TAB3: variants seen among roughly 807,000 people sequenced by gnomAD.
TAB3 encodes TGF-beta-activated kinase 1 and MAP3K7-binding protein 3.
Under a neutral mutation model 48.1 loss-of-function variants are expected in TAB3, and 18 were observed. The observed-to-expected ratio is 0.37, with a 90% CI of 0.26 to 0.55. TAB3 has a LOEUF of 0.55. Among genes scored for constraint, TAB3 ranks in the 20% least tolerant of loss-of-function variants. TAB3 has a pLI of 0.78. For missense variants in TAB3, 414 were observed against 549.8 expected (o/e 0.75, Z 2.47); for synonymous variants, 185 against 190.2 (o/e 0.97, Z 0.22).
rs375254935 is a variant in TAB3 at position 30,831,344 on chromosome X, T to G, written c.*83A>C. ...TGCAATCGAAAATGAAAAGGCTGGG[T>G]GGATGAATAGAGTCCCGAGGTTTCC... On this transcript the variant is annotated 3_prime_UTR_variant, in exon 11 of 11. Transcript: ENST00000288422. The G allele has an allele frequency of 2.9e-6, 3 of 1,042,762 alleles. No individual in the cohort carries two copies. The highest frequency in any genetic ancestry group is 3.3e-5 in the East Asian group (1 of 30,595). 85.9% of individuals were successfully genotyped at this position (1,042,762 alleles called of 1,213,427 possible). A position where few individuals can be genotyped will look rare whatever the true frequency, so the allele number is the denominator to read the frequency against.
intron 1 of TAB3, among the ~76,000 whole-genome samples, chrX:30,876,549 A>G (rs1022398338): frequency 8.9e-6 from 1 of 111,879 alleles, no homozygotes; most frequent in African/African-American, 3.3e-5. Flanking sequence ...TCTGTCACCC[A>G]GGCTGGAATG....
intron 1 of TAB3, among the ~76,000 whole-genome samples, chrX:30,880,740 G>A (rs1406456472): frequency 1.8e-5 from 2 of 111,497 alleles, no homozygotes; most frequent in African/African-American, 6.5e-5. Context: ...TCCCAAAATA[G>A]TCATGAAAGC....
At position 30,854,825 on chromosome X, in the gene TAB3, A is replaced by G; in HGVS notation, c.840T>C (p.Tyr280=). The change falls in exon 6 of 11, where the codon TAT becomes TAC. Residue 280 remains tyrosine, a synonymous_variant. Coordinates refer to ENST00000288422, the MANE Select transcript of TAB3 (RefSeq NM_152787.5). ...GAGGGATCTGCTGCTGTTTGGGAGA[A>G]TACTGAGAAGGCTGATAGTTCTGTT... ...PHQQNYQPSQ[Y]SPKQQQIPQS... The G allele has an allele frequency of 8.3e-7, 1 of 1,211,470 alleles. No individual in the cohort carries two copies.
chrX:30,853,971 G>A (rs1181407069), intron 6 of TAB3, 145 bp downstream of exon 6: 7 of 722,566 alleles, frequency 9.7e-6, no homozygotes, highest in South Asian at 3.3e-5. Flanking sequence ...CACCGCACCC[G>A]GCCACTAACT....
At chrX:30,887,597 G>A (rs1940167728) in intron 1 of TAB3, among the ~76,000 whole-genome samples, 1 of 112,584 alleles carries the variant, frequency 8.9e-6, no homozygotes, top group African/African-American at 3.2e-5. Flanking sequence ...TCTCCTCAGC[G>A]AAGTCGCCAA....
At position 30,828,907 on chromosome X, in the gene TAB3, C is replaced by G. The variant is rs1489139296; in HGVS notation, c.*2520G>C. ...AATTCTTGTTCAAACTGGTCATAGG[C>G]AAAAAGCAGTCTACATATGGGACAC... On this transcript the variant is annotated 3_prime_UTR_variant, in exon 11 of 11. Transcript: ENST00000288422. 2 of 111,952 alleles carry G rather than the reference C, an allele frequency of 1.8e-5. No individual in the cohort carries two copies. Among genetic ancestry groups the G allele is most frequent in the African/African-American group, 3.3e-5 (1 of 30,766 alleles). 9.2% of individuals were successfully genotyped at this position (111,952 alleles called of 1,213,427 possible).
At chrX:30,853,787 G>A (rs1373184806) in intron 6 of TAB3, among the ~76,000 whole-genome samples, 9 of 112,022 alleles carry the variant, frequency 8.0e-5, no homozygotes, top group Non-Finnish European at 1.9e-5. Context: ...CTATTCTCCT[G>A]CCTTAGCCTC....
chrX:30,859,595 G>C lies in TAB3; in HGVS notation c.-7C>G, dbSNP rs749676902. 1 of 1,171,553 alleles carries C rather than the reference G, an allele frequency of 8.5e-7. No individual in the cohort carries two copies. The highest frequency in any genetic ancestry group is 1.2e-6 in the Non-Finnish European group (1 of 863,520). On this transcript the variant is annotated 5_prime_UTR_variant, in exon 5 of 11. Coordinates refer to ENST00000288422, the MANE Select transcript of TAB3 (RefSeq NM_152787.5). ...GTGGGCTGCTTTGCGCCATGCCAGA[G>C]CAAATGGTGGCCAAGTTTCTCTTAG...
chrX:30,834,015 A>C lies in TAB3; in HGVS notation c.1990+36T>G, dbSNP rs769578578. The C allele has an allele frequency of 1.3e-5, 14 of 1,117,107 alleles. 1 individual carries two copies. In the South Asian group the frequency reaches 2.4e-4, roughly 19 times the overall value. The allele number at this position is 1,117,107 out of a possible 1,213,427, so 92.1% of individuals were successfully genotyped here. A position where few individuals can be genotyped will look rare whatever the true frequency, so the allele number is the denominator to read the frequency against. On this transcript the variant is annotated intron_variant, in intron 10 of 10. Coordinates refer to ENST00000288422, the MANE Select transcript of TAB3 (RefSeq NM_152787.5). ...TACATGGATTAACATGTGTCTTTGG[A>C]CATTCTGCACAAACTCTGGACACAC...
At chrX:30,870,567 TTCA>T (rs1939636454) in intron 2 of TAB3, among the ~76,000 whole-genome samples, 1 of 112,225 alleles carries the variant, frequency 8.9e-6, no homozygotes, top group Non-Finnish European at 1.9e-5. Flanking sequence ...TGAGGAAAGC[TTCA>T]GGGAAGAGAT....
At position 30,855,440 on chromosome X, in the gene TAB3, G is replaced by A. The variant is rs773909855; in HGVS notation, c.225C>T (p.Asn75=). The A allele has an allele frequency of 5.2e-5, 63 of 1,209,707 alleles. No homozygotes were observed. The Admixed American group carries it at 1.4e-3, about 26-fold the overall frequency. Residue 75 remains asparagine, a synonymous_variant, in exon 6 of 11, where the codon AAC becomes AAT. Transcript: ENST00000288422. The part of the protein sequence containing the change: ...RMNRNRLLHI[N]LGIHSPSSYH... ...AGCTACTAGGAGAATGGATACCCAG[G>A]TTAATATGTAAAAGGCGATTTCTAT... is the stretch of plus-strand genomic sequence containing the variant.
chrX:30,879,915 A>G (rs1468186994), intron 1 of TAB3, among the ~76,000 whole-genome samples: 2 of 112,215 alleles, frequency 1.8e-5, no homozygotes, highest in African/African-American at 6.5e-5. Flanking sequence ...GATATAAACA[A>G]ACAAAATAAT....
intron 1 of TAB3, among the ~76,000 whole-genome samples, chrX:30,886,036 G>A (rs138973042): frequency 1.8e-5 from 2 of 111,862 alleles, no homozygotes; most frequent in Admixed American, 1.9e-4. Context: ...AGGGAAGTAG[G>A]ATGTTAGAGT....
rs1252412961 is a variant in TAB3 at position 30,829,113 on chromosome X, C to T, written c.*2314G>A. The T allele has an allele frequency of 8.9e-6, 1 of 112,341 alleles. No homozygotes were observed. The highest frequency in any genetic ancestry group is 1.9e-5 in the Non-Finnish European group (1 of 53,224). The allele number at this position is 112,341 out of a possible 1,213,427, so 9.3% of individuals were successfully genotyped here. ...ACCTATCCAATAGACTGTTTTCTCT[C>T]TTTTCCTGGCAGGTGAAAACAATGA... On this transcript the variant is annotated 3_prime_UTR_variant, in exon 11 of 11. Coordinates refer to ENST00000288422, the MANE Select transcript of TAB3 (RefSeq NM_152787.5).
chrX:30,874,647 G>T (rs981197187), intron 1 of TAB3, among the ~76,000 whole-genome samples: 1 of 112,298 alleles, frequency 8.9e-6, no homozygotes, highest in African/African-American at 3.2e-5. Flanking sequence ...TGAAAACAAT[G>T]ATTTGAAAAT....
rs1361216254 is a variant in TAB3 at position 30,850,019 on chromosome X, G to A, written c.1710+2759C>T. 2.7e-5 allele frequency among the ~76,000 whole-genome samples: 3 copies of A among 111,972 alleles called. No homozygotes were observed. In the South Asian group the frequency reaches 1.1e-3, roughly 41 times the overall value. ...TATAATCCTAAGAAAAATCCCGTAAGATGAGTACTATACCACACATTTTAT... is the reference window on the plus strand; with the variant it reads ...TATAATCCTAAGAAAAATCCCGTAAAATGAGTACTATACCACACATTTTAT... On this transcript the variant is annotated intron_variant, in intron 7 of 10. Transcript: ENST00000288422.
At chrX:30,884,404 AG>A (rs1010034215) in intron 1 of TAB3, among the ~76,000 whole-genome samples, 25 of 111,625 alleles carry the variant, frequency 2.2e-4, no homozygotes, top group African/African-American at 7.8e-4. Context: ...ATGAGGGAAC[AG>A]GTCAGAGATT....
At chrX:30,846,500 C>T (rs1203773333) in intron 8 of TAB3, 51 bp downstream of exon 8, 2 of 947,362 alleles carry the variant, frequency 2.1e-6, no homozygotes, top group South Asian at 4.9e-5. Flanking sequence ...ATTTAAGCAG[C>T]TTAAAATACC....
chrX:30,831,604 G>A, intron 10 of TAB3, 29 bp from the exon 11 acceptor site: 1 of 1,190,061 alleles, frequency 8.4e-7, no homozygotes, highest in African/African-American at 1.8e-5. Context: ...AAGGGGGAGG[G>A]GGAAGGTAAA....
Sources: allele counts gnomAD v4.1 joint callset (sites outside exome capture counted in the v4.1 genomes callset), GRCh38; gene constraint gnomAD v4.1.1; transcripts MANE v1.5; gene names NCBI Gene and HGNC (gene_info 2026-07-23, HGNC 2026-07-21).